Variants in LRRK2 observed in about 807,000 individuals in gnomAD.
The protein encoded by LRRK2 is leucine rich repeat kinase 2.
Under a neutral mutation model 302.6 loss-of-function variants are expected in LRRK2, and 203 were observed. The ratio of observed to expected loss-of-function variants is 0.67; its 90% CI spans 0.60 to 0.75. The LOEUF is 0.75. Ranked by LOEUF, LRRK2 falls within the 30% of genes least tolerant of loss-of-function variation. The probability of loss-of-function intolerance (pLI) is 0.00; values close to 1 mark genes in which losing one functional copy is unlikely to be tolerated. For synonymous variants in LRRK2, 1,066 were observed against 1,031.9 expected (o/e 1.03, Z -0.63); for missense variants, 2,830 against 2,951.0 (o/e 0.96, Z 0.95).
chr12:40,291,985 C>T (rs886216472), intron 20 of LRRK2, among the ~76,000 whole-genome samples: 1 of 151,990 alleles, frequency 6.6e-6, no homozygotes, highest in African/African-American at 2.4e-5. Flanking sequence ...CAGTTAGTAT[C>T]ATTTTCTTCC....
chr12:40,267,978 A>C (rs913812819), intron 14 of LRRK2, among the ~76,000 whole-genome samples: 1 of 152,058 alleles, frequency 6.6e-6, no homozygotes, highest in Non-Finnish European at 1.5e-5. Context: ...TTCAACTCTG[A>C]TTTATAAAGC....
At chr12:40,247,648 A>T (rs940410719) in intron 7 of LRRK2, among the ~76,000 whole-genome samples, 8 of 88,064 alleles carry the variant, frequency 9.1e-5, no homozygotes, top group Non-Finnish European at 1.6e-4. Context: ...TTATACACAG[A>T]TGTATATAAA....
intron 11 of LRRK2, among the ~76,000 whole-genome samples, chr12:40,256,103 T>C (rs1165486511): frequency 6.6e-6 from 1 of 152,198 alleles, no homozygotes; most frequent in Non-Finnish European, 1.5e-5. Context: ...GATATTTATG[T>C]GGAAACTTGA....
At chr12:40,305,684 T>TGATGGAATGTGTGAGCC in intron 27 of LRRK2, 101 bp from the exon 28 acceptor site, 2 of 1,008,124 alleles carry the variant, frequency 2.0e-6, no homozygotes, top group Non-Finnish European at 3.1e-6. Flanking sequence ...TGCAAGCTGC[T>TGATGGAATGTGTGAGCC]GATGGAATCT....
chr12:40,359,642 C>T (rs1381608139), intron 47 of LRRK2, among the ~76,000 whole-genome samples, 198 bp downstream of exon 47: 1 of 152,056 alleles, frequency 6.6e-6, no homozygotes, highest in African/African-American at 2.4e-5. Flanking sequence ...AGAAGTCACT[C>T]AACCTAATCA....
rs926201644 is a variant in LRRK2, at chr12:40,343,986, T to A, written c.6110-2767T>A. Among the ~76,000 whole-genome samples the A allele has an allele frequency of 2.6e-4, 39 of 152,202 alleles. 1 individual carries two copies. The highest frequency in any genetic ancestry group is 8.8e-5 in the Non-Finnish European group (6 of 68,028). On this transcript the variant is annotated intron_variant, in intron 41 of 50. Transcript: ENST00000298910. ...GCTAGAGATCATGCCAATGAAGATA[T>A]TTACTTTGAAAAGGAGAAGATTAGA...
chr12:40,234,298 T>G (rs1592137931), intron 3 of LRRK2, among the ~76,000 whole-genome samples: 2 of 152,120 alleles, frequency 1.3e-5, no homozygotes, highest in South Asian at 2.1e-4. Context: ...GAGATTATAT[T>G]TTGGGATTAA....
intron 37 of LRRK2, 149 bp from the exon 38 acceptor site, chr12:40,323,011 C>T (rs755023018): frequency 4.6e-5 from 32 of 695,482 alleles, no homozygotes; most frequent in Non-Finnish European, 7.3e-5. Flanking sequence ...AAAATGTTCT[C>T]AAATTTCCTA....
intron 14 of LRRK2, among the ~76,000 whole-genome samples, chr12:40,265,158 G>A (rs183442666): frequency 7.5e-4 from 114 of 152,206 alleles, no homozygotes; most frequent in Non-Finnish European, 1.2e-3. Context: ...CTTGAGTATG[G>A]CAAGAATTTA....
chr12:40,282,764 C>T (rs1007090520), intron 18 of LRRK2, among the ~76,000 whole-genome samples: 1 of 152,216 alleles, frequency 6.6e-6, no homozygotes, highest in East Asian at 1.9e-4. Context: ...AATGAATGTC[C>T]CCTCAAATCC....
intron 4 of LRRK2, among the ~76,000 whole-genome samples, chr12:40,236,791 C>T (rs1293471418): frequency 1.3e-5 from 2 of 152,072 alleles, no homozygotes; most frequent in East Asian, 3.9e-4. Flanking sequence ...CTTTTTATGA[C>T]CATGTTGTAT....
chr12:40,249,993 C>A (rs1478988706), intron 8 of LRRK2, 48 bp downstream of exon 8: 2 of 1,603,904 alleles, frequency 1.2e-6, no homozygotes, highest in African/African-American at 1.3e-5. Context: ...CATTTGACAT[C>A]AAATATGAAC....
chr12:40,257,768 A>G (rs1942586972), intron 12 of LRRK2, among the ~76,000 whole-genome samples: 1 of 152,208 alleles, frequency 6.6e-6, no homozygotes, highest in Non-Finnish European at 1.5e-5. Context: ...CTTCATCTGA[A>G]TGAACTTTGT....
In LRRK2 at chr12:40,299,264, G is replaced by A. The variant is rs201843105; in HGVS notation, c.3496+7G>A. 3.7e-6 allele frequency: 6 copies of A among 1,612,814 alleles called. No homozygotes were observed. Among genetic ancestry groups the A allele is most frequent in the Non-Finnish European group, 5.1e-6 (6 of 1,179,356 alleles). ...GCCAGAATGAATTTTCTTGGTAAGT[G>A]TTCTGTGTGGGTCTCCTCCTTACCA... On this transcript the variant is annotated splice_region_variant and intron_variant, in intron 25 of 50. Coordinates refer to ENST00000298910, the MANE Select transcript of LRRK2 (RefSeq NM_198578.4).
intron 33 of LRRK2, among the ~76,000 whole-genome samples, chr12:40,319,225 C>T (rs1945324455): frequency 6.6e-6 from 1 of 152,020 alleles, no homozygotes; most frequent in South Asian, 2.1e-4. Context: ...TTATTTCATT[C>T]TCAGGGCAAT....
intron 45 of LRRK2, 114 bp downstream of exon 45, chr12:40,354,606 G>C: frequency 1.0e-6 from 1 of 964,044 alleles, no homozygotes; most frequent in Non-Finnish European, 1.6e-6. Context: ...TATTTTCATT[G>C]GTTTGCATAT....
chr12:40,310,687 A>C (rs202147996), intron 31 of LRRK2, 38 bp downstream of exon 31: 1 of 1,591,642 alleles, frequency 6.3e-7, no homozygotes, highest in East Asian at 2.2e-5. Flanking sequence ...TAATTTATTG[A>C]TTCTCAACTG....
At chr12:40,226,018 T>C (rs1190353186) in intron 2 of LRRK2, among the ~76,000 whole-genome samples, 2 of 152,158 alleles carry the variant, frequency 1.3e-5, no homozygotes, top group African/African-American at 2.4e-5. Context: ...AGATTATGAA[T>C]AGTTTGGAAA....
chr12:40,304,363 T>TA (rs1280987897), intron 27 of LRRK2: 1 of 579,544 alleles, frequency 1.7e-6, no homozygotes, highest in African/African-American at 1.9e-5. Context: ...ACCGACAATT[T>TA]AAAAAAATCT....
Sources: allele counts gnomAD v4.1 joint callset (sites outside exome capture counted in the v4.1 genomes callset), GRCh38; gene constraint gnomAD v4.1.1; transcripts MANE v1.5; gene names NCBI Gene and HGNC (gene_info 2026-07-23, HGNC 2026-07-21).